Variants in CD9 observed in about 807,000 individuals in gnomAD.
CD9 encodes the protein CD9 molecule.
In CD9, 10 loss-of-function variants were observed where a neutral mutation model predicts 31.4. That is an observed-to-expected ratio of 0.32 (90% CI 0.20 to 0.54). CD9 has a LOEUF of 0.54. CD9 is among the 20% of genes least tolerant of loss of function. The pLI, the probability that CD9 is intolerant of heterozygous loss-of-function variation, is 0.94. For missense variants in CD9, 259 were observed against 300.1 expected, an observed-to-expected ratio of 0.86 and a Z score of 1.01; for synonymous variants, 113 against 114.1, an observed-to-expected ratio of 0.99 and a Z score of 0.06.
intron 1 of CD9, among the ~76,000 whole-genome samples, chr12:6,219,728 G>A (rs1347253756): frequency 1.1e-4 from 17 of 152,066 alleles, no homozygotes; most frequent in African/African-American, 3.6e-4. Flanking sequence ...CTCATGATCC[G>A]CCCGCCTCGG....
In CD9 at chr12:6,232,805, C is replaced by T; in HGVS notation, c.273+76C>T. On this transcript the variant is annotated intron_variant, in intron 3 of 7. Transcript: ENST00000009180. The surrounding 1 kb of genome is among the most constrained non-coding windows in gnomAD (Gnocchi z 4.8). ...AACCTCAGCAGGCCCAGACCCAGACCACAGAACAGATGGAGGGGGATGGGG... is the reference window on the plus strand; with the variant it reads ...AACCTCAGCAGGCCCAGACCCAGACTACAGAACAGATGGAGGGGGATGGGG... 1 of 960,266 alleles carries T rather than the reference C, an allele frequency of 1.0e-6. No individual in the cohort carries two copies. Among genetic ancestry groups the T allele is most frequent in the Non-Finnish European group, 1.6e-6 (1 of 621,832 alleles). 59.5% of individuals were successfully genotyped at this position (960,266 alleles called of 1,614,324 possible).
At chr12:6,235,382 C>T in intron 5 of CD9, 55 bp downstream of exon 5, 1 of 1,614,146 alleles carries the variant, frequency 6.2e-7, no homozygotes. Flanking sequence ...TGTGTCTGCA[C>T]ACAGGGTGCT....
chr12:6,227,163 A>G (rs909628270), intron 2 of CD9, among the ~76,000 whole-genome samples: 1 of 151,986 alleles, frequency 6.6e-6, no homozygotes, highest in Non-Finnish European at 1.5e-5. Flanking sequence ...AGAGGATGGA[A>G]CTGGGAGGAA....
chr12:6,230,106 C>T (rs777669602), intron 2 of CD9, among the ~76,000 whole-genome samples: 1 of 152,192 alleles, frequency 6.6e-6, no homozygotes, highest in Non-Finnish European at 1.5e-5. Context: ...GCAGTGGTTC[C>T]GTGACTTCCA....
Position 6,237,791 on chromosome 12 carries a change from T to C in CD9, c.650T>C (p.Leu217Ser), listed in dbSNP as rs775488510. ...TTTGGCATGATCTTCAGTATGATCT[T>C]GTGCTGTGCTATCCGCAGGAACCGC... is the stretch of plus-strand genomic sequence containing the variant. Reference protein sequence around the residue: ...MIFGMIFSMILCCAIRRNREM... With the variant: ...MIFGMIFSMISCCAIRRNREM... The change falls in exon 8 of 8, where the codon TTG (leucine) becomes TCG (serine). Residue 217 changes from leucine to serine, a missense_variant. Physicochemically the swap from Leu to Ser is moderately radical, Grantham distance 145. Transcript: ENST00000009180. The C allele has an allele frequency of 5.6e-6, 9 of 1,613,548 alleles. No individual in the cohort carries two copies. Among genetic ancestry groups the C allele is most frequent in the Non-Finnish European group, 7.6e-6 (9 of 1,179,584 alleles).
At chr12:6,235,604 T>C (rs1187859589) in intron 6 of CD9, 39 bp downstream of exon 6, 1 of 1,573,184 alleles carries the variant, frequency 6.4e-7, no homozygotes, top group Non-Finnish European at 8.7e-7. Context: ...CTGCCCCCAT[T>C]GCTCTGGACA....
chr12:6,216,526 T>C (rs762947007), intron 1 of CD9, among the ~76,000 whole-genome samples: 44 of 152,280 alleles, frequency 2.9e-4, no homozygotes, highest in Middle Eastern at 6.8e-3. Flanking sequence ...CTGTAATAAC[T>C]CCTTTCAGCA....
intron 2 of CD9, among the ~76,000 whole-genome samples, chr12:6,231,288 T>A (rs1435196773): frequency 6.6e-6 from 1 of 152,250 alleles, no homozygotes; most frequent in Non-Finnish European, 1.5e-5. Flanking sequence ...ATGTGGATTA[T>A]ATCACTTAAT....
rs201150048 is a variant in CD9 at position 6,214,766 on chromosome 12, G to T, written c.67-10660G>T. ...GAGCACAGCCGGCTGCAGAATTCAG[G>T]GGGGAGGTTCTTACCAGGAGTGCCC... On this transcript the variant is annotated intron_variant, in intron 1 of 7. Transcript: ENST00000009180. Among the ~76,000 whole-genome samples, 21 of 152,242 alleles carry T rather than the reference G, an allele frequency of 1.4e-4. No individual in the cohort carries two copies. The South Asian group carries it at 2.1e-3, about 15-fold the overall frequency.
chr12:6,224,019 G>C (rs1946329297), intron 1 of CD9, among the ~76,000 whole-genome samples: 1 of 152,170 alleles, frequency 6.6e-6, no homozygotes, highest in Admixed American at 6.5e-5. Context: ...GCGTCGTACA[G>C]TCCTTACCAA....
Position 6,232,331 on chromosome 12 carries a change from C to G in CD9, c.176-301C>G, listed in dbSNP as rs1946456151. ...GTTTGCATTCCGAATGTAGGGATTC[C>G]CGTGGATATTCTCTGTCCTGGATTG... On this transcript the variant is annotated intron_variant, in intron 2 of 7. Coordinates refer to ENST00000009180, the MANE Select transcript of CD9 (RefSeq NM_001769.4). The surrounding 1 kb of genome is among the most constrained non-coding windows in gnomAD (Gnocchi z 4.8). The G allele has an allele frequency of 2.1e-6, 1 of 472,346 alleles. No individual in the cohort carries two copies. The highest frequency in any genetic ancestry group is 2.0e-5 in the African/African-American group (1 of 50,614). 29.3% of individuals were successfully genotyped at this position (472,346 alleles called of 1,614,324 possible).
chr12:6,217,746 T>C (rs1591968718), intron 1 of CD9, among the ~76,000 whole-genome samples: 1 of 152,098 alleles, frequency 6.6e-6, no homozygotes, highest in African/African-American at 2.4e-5. Context: ...AAGAAAGTTC[T>C]CCCTCCTTCC....
In CD9 at chr12:6,232,895, GC is replaced by G; in HGVS notation, c.273+170del. 1.4e-6 allele frequency: 1 copy of G among 703,934 alleles called. No individual in the cohort carries two copies. Among genetic ancestry groups the G allele is most frequent in the Non-Finnish European group, 2.6e-6 (1 of 385,980 alleles). 43.6% of individuals were successfully genotyped at this position (703,934 alleles called of 1,614,324 possible). On this transcript the variant is annotated intron_variant, in intron 3 of 7. Coordinates refer to ENST00000009180, the MANE Select transcript of CD9 (RefSeq NM_001769.4). The surrounding 1 kb of genome is among the most constrained non-coding windows in gnomAD (Gnocchi z 4.8). ...GGGCCCCTCCCCGATGTGAGGCGTC[GC>G]CCCTCTTCCTTTCTGGAGCCTGTCT...
intron 1 of CD9, among the ~76,000 whole-genome samples, chr12:6,206,976 A>G (rs1946139569): frequency 6.6e-6 from 1 of 151,404 alleles, no homozygotes; most frequent in Non-Finnish European, 1.5e-5. Context: ...CTGCAGCCTC[A>G]AACTCCTGGG....
chr12:6,231,585 C>T (rs1013470751), intron 2 of CD9, among the ~76,000 whole-genome samples: 1 of 152,164 alleles, frequency 6.6e-6, no homozygotes, highest in Non-Finnish European at 1.5e-5. Flanking sequence ...TGGGGTGGCC[C>T]CTCTGGGCAT....
At chr12:6,227,230 A>T (rs1946380603) in intron 2 of CD9, among the ~76,000 whole-genome samples, 1 of 149,696 alleles carries the variant, frequency 6.7e-6, no homozygotes, top group African/African-American at 2.5e-5. Context: ...CGAAGTTTCA[A>T]TCTTGTTGCC....
At chr12:6,233,735 T>C (rs758273647) in intron 4 of CD9, among the ~76,000 whole-genome samples, 2 of 152,082 alleles carry the variant, frequency 1.3e-5, no homozygotes, top group African/African-American at 2.4e-5. Flanking sequence ...AAACTACCCA[T>C]TGGGCCTGTG....
intron 1 of CD9, among the ~76,000 whole-genome samples, chr12:6,213,998 A>G (rs115116741): frequency 6.6e-6 from 1 of 152,210 alleles, no homozygotes; most frequent in Non-Finnish European, 1.5e-5. Context: ...CTTGTCCCCC[A>G]AGAAAATTTC....
At position 6,233,505 on chromosome 12, in the gene CD9, A is replaced by C; in HGVS notation, c.348+19A>C. The C allele has an allele frequency of 1.4e-5, 22 of 1,596,548 alleles. No homozygotes were observed. Among genetic ancestry groups the C allele is most frequent in the Non-Finnish European group, 1.9e-5 (22 of 1,164,310 alleles). On this transcript the variant is annotated intron_variant, in intron 4 of 7. Coordinates refer to ENST00000009180, the MANE Select transcript of CD9 (RefSeq NM_001769.4). ...GGATGAGGTAGGTTTTTCCCATGAG[A>C]TCTCTTGGGTTTGGGAGTTGGGGGA...
Sources: gnomAD v4.1 joint callset for allele counts (sites outside exome capture counted in the v4.1 genomes callset) on GRCh38, gnomAD v4.1.1 for gene constraint, Gnocchi (gnomAD v3.1) non-coding constraint, MANE v1.5 for transcripts, NCBI Gene and HGNC (gene_info 2026-07-23, HGNC 2026-07-21) for gene names.